The following CCDC93 variants were observed in gnomAD, a reference collection of about 807,000 sequenced individuals.
The protein encoded by CCDC93 is coiled-coil domain-containing protein 93.
CCDC93 carries 61 observed loss-of-function variants against 108.2 expected under a neutral mutation model. The observed-to-expected ratio is 0.56, with a 90% CI of 0.46 to 0.70. The LOEUF (loss-of-function observed/expected upper bound fraction) is 0.70, where lower values mean the gene tolerates loss of function less well. CCDC93 is among the 30% of genes least tolerant of loss of function. The pLI is 0.00. For missense variants in CCDC93, 685 were observed against 764.2 expected (o/e 0.90, Z 1.22); for synonymous variants, 276 against 260.4 (o/e 1.06, Z -0.58).
intron 1 of CCDC93, among the ~76,000 whole-genome samples, chr2:118,012,308 C>G (rs899335624): frequency 6.6e-6 from 1 of 151,770 alleles, no homozygotes; most frequent in Non-Finnish European, 1.5e-5. Flanking sequence ...AATGAATTAA[C>G]TGGTCTAGTG....
Position 117,920,390 on chromosome 2 carries a change from G to A in CCDC93, c.1849C>T (p.Arg617Cys), listed in dbSNP as rs779574804. 20 of 1,612,084 alleles carry A rather than the reference G, an allele frequency of 1.2e-5. No individual in the cohort carries two copies. Among genetic ancestry groups the A allele is most frequent in the Admixed American group, 1.7e-5 (1 of 59,924 alleles). Residue 617 changes from arginine to cysteine, a missense_variant, in exon 24 of 24, where the codon CGC becomes TGC. By Grantham distance (180) the Arg-to-Cys change is radical. Transcript: ENST00000376300. The part of the protein sequence containing the change: ...KTVKEFKEEG[R>C]KNEMLLSKVK... ...TTGGACAGCAGCATCTCGTTCTTGCGGCCCTCCTGGAGGGAAAGCAGAGAG... is the reference window on the plus strand; with the variant it reads ...TTGGACAGCAGCATCTCGTTCTTGCAGCCCTCCTGGAGGGAAAGCAGAGAG...
chr2:117,962,016 T>G (rs1351268570), intron 11 of CCDC93, among the ~76,000 whole-genome samples: 1 of 152,240 alleles, frequency 6.6e-6, no homozygotes, highest in Non-Finnish European at 1.5e-5. Context: ...TAGTGTTTTC[T>G]AATAACTGAC....
chr2:118,009,621 G>A (rs149498836), intron 1 of CCDC93, among the ~76,000 whole-genome samples: 78 of 152,176 alleles, frequency 5.1e-4, no homozygotes, highest in African/African-American at 1.7e-3. Flanking sequence ...GCAGTGAGGT[G>A]AGACTGTGCC....
At chr2:117,997,200 T>C (rs1458930263) in intron 4 of CCDC93, 1 of 152,190 alleles carries the variant, frequency 6.6e-6, no homozygotes, top group Non-Finnish European at 1.5e-5. Context: ...CTCCAGTTAT[T>C]ATCATTAAAA....
intron 12 of CCDC93, among the ~76,000 whole-genome samples, chr2:117,957,847 T>C (rs1276243394): frequency 6.6e-6 from 1 of 152,106 alleles, no homozygotes; most frequent in Non-Finnish European, 1.5e-5. Flanking sequence ...GTCTCCCTAT[T>C]AGTCACTCTC....
chr2:117,941,469 T>C (rs986288342), intron 18 of CCDC93, among the ~76,000 whole-genome samples, 172 bp from the exon 19 acceptor site: 2 of 151,828 alleles, frequency 1.3e-5, no homozygotes, highest in Admixed American at 6.6e-5. Context: ...TTGGATTGAC[T>C]TTCCCGCTTT....
At chr2:117,986,160 CTTTTTTTTT>C (rs763304100) in intron 6 of CCDC93, 91 bp from the exon 7 acceptor site, 4 of 275,578 alleles carry the variant, frequency 1.5e-5, no homozygotes, top group South Asian at 4.0e-5. Flanking sequence ...GGTATATTCT[CTTTTTTTTT>C]TTTTTTTTTT....
chr2:117,929,202 T>G lies in CCDC93; in HGVS notation c.1842+1835A>C, dbSNP rs756295841. Among the ~76,000 whole-genome samples the G allele has an allele frequency of 3.3e-5, 5 of 152,204 alleles. No homozygotes were observed. The South Asian group carries it at 1.0e-3, about 32-fold the overall frequency. ...GTGCAGCACACCAACATGGCACATG[T>G]ACATATATGTAACTAACCTGCACGT... On this transcript the variant is annotated intron_variant, in intron 23 of 23. Coordinates refer to ENST00000376300, the MANE Select transcript of CCDC93 (RefSeq NM_019044.5).
At chr2:118,006,645 C>G in intron 3 of CCDC93, 77 bp downstream of exon 3, 1 of 814,598 alleles carries the variant, frequency 1.2e-6, no homozygotes, top group South Asian at 1.4e-5. Flanking sequence ...AGTGTCCAAC[C>G]AACTTCTGGC....
intron 23 of CCDC93, among the ~76,000 whole-genome samples, chr2:117,924,275 C>T (rs1440283721): frequency 2.0e-5 from 3 of 152,180 alleles, no homozygotes; most frequent in Admixed American, 6.5e-5. Context: ...CAAAGCTGGA[C>T]AGAGAATGAC....
chr2:117,975,935 A>T (rs1326592928), intron 8 of CCDC93, among the ~76,000 whole-genome samples: 1 of 152,202 alleles, frequency 6.6e-6, no homozygotes, highest in Non-Finnish European at 1.5e-5. Flanking sequence ...GTCAAACTCA[A>T]GGCACCCTGG....
At chr2:117,950,102 G>C (rs778004566) in intron 13 of CCDC93, 19 of 985,336 alleles carry the variant, frequency 1.9e-5, no homozygotes, top group Non-Finnish European at 1.9e-5. Flanking sequence ...ACTACCGGCT[G>C]ATCTCAGCAA....
chr2:117,956,207 T>C (rs1214652796), intron 12 of CCDC93, among the ~76,000 whole-genome samples: 1 of 152,222 alleles, frequency 6.6e-6, no homozygotes, highest in Non-Finnish European at 1.5e-5. Flanking sequence ...GCAATAATGA[T>C]TGCTGTCTTT....
chr2:117,968,026 C>T (rs1679645383), intron 11 of CCDC93, among the ~76,000 whole-genome samples: 2 of 152,208 alleles, frequency 1.3e-5, no homozygotes, highest in Admixed American at 1.3e-4. Context: ...CAAGACAAAT[C>T]TGTGCCTCTA....
rs147023955 is a variant in CCDC93, at chr2:117,951,480, C to A, written c.1068+893G>T. ...AGGTGGCAAATTAAGTGCTACATAT[C>A]GCTACAGAGTAAGAATTTTAAATTG... On this transcript the variant is annotated intron_variant, in intron 13 of 23. Coordinates refer to ENST00000376300, the MANE Select transcript of CCDC93 (RefSeq NM_019044.5). 934 of 987,440 alleles carry A rather than the reference C, an allele frequency of 9.5e-4. 3 individuals carry two copies. Among genetic ancestry groups the A allele is most frequent in the Non-Finnish European group, 1.1e-3 (906 of 829,904 alleles). 61.2% of individuals were successfully genotyped at this position (987,440 alleles called of 1,614,324 possible). A position where few individuals can be genotyped will look rare whatever the true frequency, so the allele number is the denominator to read the frequency against.
chr2:117,960,617 CACTT>C (rs1679360437), intron 11 of CCDC93, among the ~76,000 whole-genome samples: 1 of 152,218 alleles, frequency 6.6e-6, no homozygotes, highest in South Asian at 2.1e-4. Flanking sequence ...CTTCAGACTT[CACTT>C]ACAAGAATTC....
intron 19 of CCDC93, 25 bp from the exon 20 acceptor site, chr2:117,939,136 A>C: frequency 2.8e-6 from 4 of 1,433,266 alleles, no homozygotes; most frequent in Non-Finnish European, 2.9e-6. Flanking sequence ...AAATCAGCAC[A>C]CGAATAAGAA....
intron 9 of CCDC93, 81 bp from the exon 10 acceptor site, chr2:117,974,981 C>A (rs6761382): frequency 2.5e-5 from 31 of 1,236,164 alleles, no homozygotes; most frequent in Admixed American, 2.1e-4. Context: ...TGGATCTTTG[C>A]GGTGATATCC....
In CCDC93 at chr2:118,002,157, C is replaced by T. The variant is rs868260253; in HGVS notation, c.252-1225G>A. 3.3e-5 allele frequency among the ~76,000 whole-genome samples: 5 copies of T among 152,272 alleles called. No homozygotes were observed. In the South Asian group the frequency reaches 1.0e-3, roughly 32 times the overall value. Reference sequence around the variant, plus strand: ...TCTAATAGACAAAGGTCCAGGTAAACAAAGGTCACTTAGAACTTACTAGGT... The same window carrying T: ...TCTAATAGACAAAGGTCCAGGTAAATAAAGGTCACTTAGAACTTACTAGGT... On this transcript the variant is annotated intron_variant, in intron 3 of 23. Transcript: ENST00000376300.
Sources: allele counts gnomAD v4.1 joint callset (sites outside exome capture counted in the v4.1 genomes callset), GRCh38; gene constraint gnomAD v4.1.1; transcripts MANE v1.5; gene names NCBI Gene and HGNC (gene_info 2026-07-23, HGNC 2026-07-21).